Variants in IGF2BP3 observed in about 807,000 individuals in gnomAD.
The protein encoded by IGF2BP3 is insulin-like growth factor 2 mRNA-binding protein 3.
A neutral mutation model predicts 73.8 loss-of-function variants in IGF2BP3; 9 were observed. The ratio of observed to expected loss-of-function variants is 0.12; its 90% CI spans 0.07 to 0.21. IGF2BP3 has a LOEUF of 0.21. Among genes scored for constraint, IGF2BP3 ranks in the 10% least tolerant of loss-of-function variants. The pLI is 1.00. For missense variants in IGF2BP3, 542 were observed against 714.0 expected (o/e 0.76, Z 2.75); for synonymous variants, 258 against 256.7 (o/e 1.01, Z -0.05).
chr7:23,420,947 G>A (rs555222326), intron 2 of IGF2BP3, among the ~76,000 whole-genome samples: 10 of 152,300 alleles, frequency 6.6e-5, no homozygotes, highest in African/African-American at 2.4e-4. Context: ...AACTCATGTG[G>A]TAATAACTGT....
chr7:23,370,906 T>C (rs1486830964), intron 3 of IGF2BP3, among the ~76,000 whole-genome samples: 1 of 152,136 alleles, frequency 6.6e-6, no homozygotes, highest in African/African-American at 2.4e-5. Flanking sequence ...CTCGAACTCC[T>C]GACCTCAAGT....
chr7:23,451,255 T>C (rs1788189088), intron 2 of IGF2BP3, among the ~76,000 whole-genome samples: 2 of 151,978 alleles, frequency 1.3e-5, no homozygotes, highest in Admixed American at 6.6e-5. Context: ...TGGTCTCTAC[T>C]AAAAATACAA....
intron 10 of IGF2BP3, among the ~76,000 whole-genome samples, chr7:23,336,316 C>T (rs531051066): frequency 7.2e-5 from 11 of 152,134 alleles, no homozygotes; most frequent in Non-Finnish European, 1.5e-4. Flanking sequence ...GATCTTAGTA[C>T]GTAATCTGTG....
chr7:23,434,655 A>G (rs1787765606), intron 2 of IGF2BP3, among the ~76,000 whole-genome samples: 1 of 152,202 alleles, frequency 6.6e-6, no homozygotes, highest in African/African-American at 2.4e-5. Flanking sequence ...TTTTCTCCCA[A>G]GATATAATTT....
At chr7:23,468,576 A>G in intron 1 of IGF2BP3, 34 bp from the exon 2 acceptor site, 1 of 1,609,302 alleles carries the variant, frequency 6.2e-7, no homozygotes, top group Non-Finnish European at 8.5e-7. Context: ...CGGTCGGCCG[A>G]GTTCAGCGGC....
intron 2 of IGF2BP3, among the ~76,000 whole-genome samples, chr7:23,454,722 C>T (rs1243149614): frequency 6.6e-6 from 1 of 152,138 alleles, no homozygotes; most frequent in East Asian, 1.9e-4. Context: ...ACTGGCCCAC[C>T]CTTACCACTG....
intron 3 of IGF2BP3, chr7:23,405,006 G>A (rs1490289355): frequency 6.6e-6 from 1 of 152,040 alleles, no homozygotes; most frequent in Non-Finnish European, 1.5e-5. Flanking sequence ...TTAAAATGAT[G>A]AGCACTGCAT....
rs895125562 is a variant in IGF2BP3 at position 23,341,478 on chromosome 7, C to T, written c.1203+586G>A. Reference sequence around the variant, plus strand: ...GCCAGGAGTTTGAGATCAGCCTGAACAACATGGCGAAACCCTGTCTCTACT... The same window carrying T: ...GCCAGGAGTTTGAGATCAGCCTGAATAACATGGCGAAACCCTGTCTCTACT... On this transcript the variant is annotated intron_variant, in intron 10 of 14. Coordinates refer to ENST00000258729, the MANE Select transcript of IGF2BP3 (RefSeq NM_006547.3). Among the ~76,000 whole-genome samples, 3 of 152,174 alleles carry T rather than the reference C, an allele frequency of 2.0e-5. No individual in the cohort carries two copies. In the South Asian group the frequency reaches 6.2e-4, roughly 31 times the overall value.
chr7:23,436,058 C>T (rs1335973135), intron 2 of IGF2BP3, among the ~76,000 whole-genome samples: 2 of 152,118 alleles, frequency 1.3e-5, no homozygotes, highest in African/African-American at 4.8e-5. Context: ...GCCCGGCCAA[C>T]ATCTAAATTT....
At chr7:23,465,529 C>CA (rs1554338705) in intron 2 of IGF2BP3, among the ~76,000 whole-genome samples, 2 of 151,740 alleles carry the variant, frequency 1.3e-5, no homozygotes, top group Non-Finnish European at 1.5e-5. Flanking sequence ...AGGGTCCCCC[C>CA]CCAAGCTCCA....
rs1414056531 is a variant in IGF2BP3 at position 23,310,605 on chromosome 7, AATC to A, written c.*1754_*1756del. 4 of 152,238 alleles carry A rather than the reference AATC, an allele frequency of 2.6e-5. No individual in the cohort carries two copies. Among genetic ancestry groups the A allele is most frequent in the Non-Finnish European group, 2.9e-5 (2 of 68,046 alleles). The allele number at this position is 152,238 out of a possible 1,614,324, so 9.4% of individuals were successfully genotyped here. A position where few individuals can be genotyped will look rare whatever the true frequency, so the allele number is the denominator to read the frequency against. ...ATTTTAATTCATTGTATGAAAAAAAAATCATGAATGCTAGGAGAATCCAGTGAC... is the reference window on the plus strand; with the variant it reads ...ATTTTAATTCATTGTATGAAAAAAAAATGAATGCTAGGAGAATCCAGTGAC... On this transcript the variant is annotated 3_prime_UTR_variant, in exon 15 of 15. Transcript: ENST00000258729.
intron 3 of IGF2BP3, among the ~76,000 whole-genome samples, chr7:23,383,787 A>C (rs1785989969): frequency 6.6e-6 from 1 of 152,130 alleles, no homozygotes; most frequent in Non-Finnish European, 1.5e-5. Flanking sequence ...GTGGAGTATT[A>C]CTCAGCAATA....
chr7:23,378,851 T>C (rs1029374386), intron 3 of IGF2BP3, among the ~76,000 whole-genome samples: 6 of 152,126 alleles, frequency 3.9e-5, no homozygotes, highest in South Asian at 2.1e-4. Flanking sequence ...GGATTACAGG[T>C]GTGAGCCACC....
At chr7:23,364,969 C>A (rs1187766851) in intron 3 of IGF2BP3, among the ~76,000 whole-genome samples, 1 of 152,122 alleles carries the variant, frequency 6.6e-6, no homozygotes, top group Non-Finnish European at 1.5e-5. Context: ...AGTTTGAGAC[C>A]AGCCTGGCCA....
At chr7:23,414,046 A>C (rs961136624) in intron 3 of IGF2BP3, 1 of 151,984 alleles carries the variant, frequency 6.6e-6, no homozygotes. Context: ...GCCACTCAGG[A>C]GGCTGAAGCA....
intron 2 of IGF2BP3, among the ~76,000 whole-genome samples, chr7:23,455,492 T>C (rs1242239119): frequency 1.3e-5 from 2 of 152,222 alleles, no homozygotes; most frequent in African/African-American, 4.8e-5. Context: ...CCTCCTCCTA[T>C]GTTCTGGGGC....
intron 7 of IGF2BP3, among the ~76,000 whole-genome samples, chr7:23,347,060 T>C (rs1344114433): frequency 6.6e-6 from 1 of 152,230 alleles, no homozygotes; most frequent in African/African-American, 2.4e-5. Flanking sequence ...CTCTCGATTC[T>C]ACTTTCAGTG....
At chr7:23,376,229 T>C (rs974167631) in intron 3 of IGF2BP3, among the ~76,000 whole-genome samples, 1 of 152,184 alleles carries the variant, frequency 6.6e-6, no homozygotes. Context: ...GGAGTGTTAC[T>C]TGAGATATTT....
intron 2 of IGF2BP3, among the ~76,000 whole-genome samples, chr7:23,439,587 A>C (rs1787884806): frequency 6.7e-6 from 1 of 149,900 alleles, no homozygotes; most frequent in Admixed American, 6.6e-5. Flanking sequence ...AGACATGTTT[A>C]AACTCTGTCC....
Sources: gnomAD v4.1 joint callset for allele counts (sites outside exome capture counted in the v4.1 genomes callset) on GRCh38, gnomAD v4.1.1 for gene constraint, MANE v1.5 for transcripts, NCBI Gene and HGNC (gene_info 2026-07-23, HGNC 2026-07-21) for gene names.